KCTD3: variants seen among roughly 807,000 people sequenced by gnomAD.
KCTD3 encodes BTB/POZ domain-containing protein KCTD3.
KCTD3 carries 41 observed loss-of-function variants against 85.8 expected under a neutral mutation model. The observed-to-expected ratio is 0.48, with a 90% CI of 0.37 to 0.62. KCTD3 has a LOEUF of 0.62. KCTD3 is among the 20% of genes least tolerant of loss of function. KCTD3 has a pLI of 0.00. For synonymous variants in KCTD3, 338 were observed against 345.4 expected (o/e 0.98, Z 0.24); for missense variants, 724 against 989.9 (o/e 0.73, Z 3.60).
At chr1:215,608,893 A>T (rs1226859552) in intron 14 of KCTD3, among the ~76,000 whole-genome samples, 1 of 151,998 alleles carries the variant, frequency 6.6e-6, no homozygotes, top group Non-Finnish European at 1.5e-5. Flanking sequence ...ATATAATCCC[A>T]GTTCTCTGCA....
At chr1:215,605,975 G>T (rs1290124223) in intron 13 of KCTD3, among the ~76,000 whole-genome samples, 1 of 152,074 alleles carries the variant, frequency 6.6e-6, no homozygotes, top group Non-Finnish European at 1.5e-5. Flanking sequence ...AAACACAAAC[G>T]AAGTTTGATT....
At chr1:215,580,124 C>G in intron 8 of KCTD3, 125 bp downstream of exon 8, 1 of 630,844 alleles carries the variant, frequency 1.6e-6, no homozygotes, top group Non-Finnish European at 2.8e-6. Flanking sequence ...GCATATTTTA[C>G]CCATGTCTGT....
At chr1:215,572,734 G>T (rs1405835032) in intron 1 of KCTD3, among the ~76,000 whole-genome samples, 2 of 152,190 alleles carry the variant, frequency 1.3e-5, no homozygotes, top group Non-Finnish European at 2.9e-5. Flanking sequence ...TAGCCATTTT[G>T]GCTGGGGTTT....
intron 9 of KCTD3, among the ~76,000 whole-genome samples, chr1:215,592,710 T>C (rs1225105669): frequency 1.3e-5 from 2 of 152,244 alleles, no homozygotes; most frequent in Non-Finnish European, 2.9e-5. Flanking sequence ...ACAAATATTC[T>C]TCAGAACATG....
intron 1 of KCTD3, among the ~76,000 whole-genome samples, chr1:215,568,674 A>G (rs1445740495): frequency 6.6e-6 from 1 of 152,136 alleles, no homozygotes; most frequent in Non-Finnish European, 1.5e-5. Flanking sequence ...GCTCTGGAAT[A>G]CAGTTAATTT....
chr1:215,579,628 A>G (rs990364045), intron 7 of KCTD3, among the ~76,000 whole-genome samples: 2 of 151,730 alleles, frequency 1.3e-5, no homozygotes, highest in African/African-American at 2.4e-5. Context: ...CCTCCGGAGT[A>G]GCTGGGACTA....
At chr1:215,590,548 C>T (rs1660172442) in intron 9 of KCTD3, among the ~76,000 whole-genome samples, 1 of 152,030 alleles carries the variant, frequency 6.6e-6, no homozygotes, top group Non-Finnish European at 1.5e-5. Flanking sequence ...ATTTTTTTCT[C>T]CATTCTTCAG....
At chr1:215,618,059 A>G (rs1218709645) in intron 15 of KCTD3, 2 of 456,656 alleles carry the variant, frequency 4.4e-6, no homozygotes, top group Non-Finnish European at 9.1e-6. Context: ...TGTAAAACTA[A>G]TAAAATGTAT....
rs1342758870 is a variant in KCTD3, at chr1:215,595,866, T to G, written c.933+395T>G. Among the ~76,000 whole-genome samples the G allele has an allele frequency of 2.0e-5, 3 of 152,216 alleles. No individual in the cohort carries two copies. The East Asian group carries it at 5.8e-4, about 29-fold the overall frequency. On this transcript the variant is annotated intron_variant, in intron 10 of 17. Transcript: ENST00000259154. Reference sequence around the variant, plus strand: ...AGAGGAATAAGAAAGAGATAAGACTTTAAAAAGGTTAATACCTGATTCTTA... The same window carrying G: ...AGAGGAATAAGAAAGAGATAAGACTGTAAAAAGGTTAATACCTGATTCTTA...
At chr1:215,592,121 C>G (rs1660248559) in intron 9 of KCTD3, among the ~76,000 whole-genome samples, 1 of 152,214 alleles carries the variant, frequency 6.6e-6, no homozygotes, top group Admixed American at 6.5e-5. Context: ...CCCCATGATT[C>G]AGTCATTTCC....
At chr1:215,615,123 A>C (rs1026431517) in intron 15 of KCTD3, among the ~76,000 whole-genome samples, 1 of 152,212 alleles carries the variant, frequency 6.6e-6, no homozygotes, top group African/African-American at 2.4e-5. Context: ...TTCCAAAGGA[A>C]AAGCTATAGT....
chr1:215,573,799 A>G lies in KCTD3; in HGVS notation c.97A>G (p.Arg33Gly), dbSNP rs902225952. 3.2e-6 allele frequency: 5 copies of G among 1,577,676 alleles called. No homozygotes were observed. The highest frequency in any genetic ancestry group is 3.5e-6 in the Non-Finnish European group (4 of 1,152,530). Residue 33 changes from arginine to glycine, a missense_variant, in exon 2 of 18, where the codon AGA (arginine) becomes GGA (glycine). Around this residue, in one of 6 missense-constraint regions of KCTD3, gnomAD observed 97 missense variants for 115.7 expected, o/e 0.84. Transcript: ENST00000259154. Reference protein sequence around the residue: ...NVGGTRFSTSRQTLMWIPDSF... With the variant: ...NVGGTRFSTSGQTLMWIPDSF... ...TTTTAATTGCAGATTTAGTACCTCA[A>G]GACAAACTCTTATGTGGATTCCAGA...
Position 215,620,847 on chromosome 1 carries a change from G to A in KCTD3, c.*229G>A, listed in dbSNP as rs1655659575. 2.2e-6 allele frequency: 1 copy of A among 461,538 alleles called. No individual in the cohort carries two copies. 28.6% of individuals were successfully genotyped at this position (461,538 alleles called of 1,614,324 possible). ...GTACATTTAACAGATCATTTATAAA[G>A]CAGGAGTCCATTTTAACACTTACCG... is the stretch of plus-strand genomic sequence containing the variant. On this transcript the variant is annotated 3_prime_UTR_variant, in exon 18 of 18. Coordinates refer to ENST00000259154, the MANE Select transcript of KCTD3 (RefSeq NM_016121.5).
intron 3 of KCTD3, 58 bp downstream of exon 3, chr1:215,574,176 T>A: frequency 1.0e-6 from 1 of 979,038 alleles, no homozygotes; most frequent in Non-Finnish European, 1.6e-6. Flanking sequence ...TGCTTGGTCC[T>A]AACATATAGT....
At chr1:215,571,195 AT>A (rs1659342247) in intron 1 of KCTD3, among the ~76,000 whole-genome samples, 1 of 152,230 alleles carries the variant, frequency 6.6e-6, no homozygotes, top group South Asian at 2.1e-4. Context: ...TTTGGAATGA[AT>A]TTGATGGCCT....
chr1:215,621,182 A>G lies in KCTD3; in HGVS notation c.*564A>G, dbSNP rs943202055. ...GATACCACTATGTAGTAAGTCTTTT[A>G]GGATGATTTTAATTTAGTCGTGCGT... On this transcript the variant is annotated 3_prime_UTR_variant, in exon 18 of 18. Transcript: ENST00000259154. 3 of 152,696 alleles carry G rather than the reference A, an allele frequency of 2.0e-5. No individual in the cohort carries two copies. The highest frequency in any genetic ancestry group is 4.4e-5 in the Non-Finnish European group (3 of 68,086). The allele number at this position is 152,696 out of a possible 1,614,324, so 9.5% of individuals were successfully genotyped here.
intron 13 of KCTD3, among the ~76,000 whole-genome samples, chr1:215,605,474 C>T (rs1654983155): frequency 6.6e-6 from 1 of 152,100 alleles, no homozygotes; most frequent in Admixed American, 6.6e-5. Flanking sequence ...CCCTTGAGCT[C>T]TTTCCTGGAC....
At chr1:215,592,276 G>A (rs948660080) in intron 9 of KCTD3, among the ~76,000 whole-genome samples, 1 of 152,144 alleles carries the variant, frequency 6.6e-6, no homozygotes, top group African/African-American at 2.4e-5. Flanking sequence ...CAGGGGGAAT[G>A]TGGGGCTTGT....
chr1:215,604,202 C>T lies in KCTD3; in HGVS notation c.1209C>T (p.His403=). The T allele has an allele frequency of 6.2e-7, 1 of 1,613,676 alleles. No homozygotes were observed. Among genetic ancestry groups the T allele is most frequent in the Non-Finnish European group, 8.5e-7 (1 of 1,179,690 alleles). Residue 403 remains histidine, a synonymous_variant, in exon 13 of 18, where the codon CAC becomes CAT. Coordinates refer to ENST00000259154, the MANE Select transcript of KCTD3 (RefSeq NM_016121.5). The part of the protein sequence containing the change: ...SSGAVRVIVQ[H]PETVGSGPQL... ...GAGCAGTACGAGTGATTGTACAACA[C>T]CCAGAGACAGTTGGGTCAGGTCCTC... is the stretch of plus-strand genomic sequence containing the variant.
Sources: allele counts gnomAD v4.1 joint callset (sites outside exome capture counted in the v4.1 genomes callset), GRCh38; gene constraint gnomAD v4.1.1; regional missense constraint gnomAD v4.1.1; transcripts MANE v1.5; gene names NCBI Gene and HGNC (gene_info 2026-07-23, HGNC 2026-07-21).